The following DLGAP2 variants were observed in gnomAD, a reference collection of about 807,000 sequenced individuals.
DLGAP2 encodes DLG associated protein 2.
In DLGAP2, 26 loss-of-function variants were observed where a neutral mutation model predicts 100.3. The ratio of observed to expected loss-of-function variants is 0.26; its 90% confidence interval spans 0.19 to 0.36. The LOEUF (loss-of-function observed/expected upper bound fraction) is 0.36. Among genes scored for constraint, DLGAP2 ranks in the 10% least tolerant of loss-of-function variants. The probability of loss-of-function intolerance (pLI) is 1.00; values close to 1 mark genes in which losing one functional copy is unlikely to be tolerated. For missense variants in DLGAP2, 1,858 were observed against 1,453.2 expected, an observed-to-expected ratio of 1.28 and a Z score of -4.53; for synonymous variants, 886 against 630.1, an observed-to-expected ratio of 1.41 and a Z score of -6.08.
chr8:833,791 A>T (rs1796823843), intron 1 of DLGAP2, among the ~76,000 whole-genome samples: 1 of 152,150 alleles, frequency 6.6e-6, no homozygotes, highest in Non-Finnish European at 1.5e-5. Context: ...GAGATTTTTT[A>T]CCATGAATTT....
At chr8:1,250,740 T>G (rs4357318) in intron 2 of DLGAP2, among the ~76,000 whole-genome samples, 3 of 151,988 alleles carry the variant, frequency 2.0e-5, no homozygotes, top group African/African-American at 7.2e-5. Context: ...AAAAATGGAA[T>G]GAGACTTGAG....
chr8:1,223,329 T>G (rs1024660719), intron 2 of DLGAP2, among the ~76,000 whole-genome samples: 1 of 152,206 alleles, frequency 6.6e-6, no homozygotes, highest in African/African-American at 2.4e-5. Context: ...TGGGCTGGTC[T>G]CTGTGAGAAG....
At chr8:1,569,346 A>G (rs1725216144) in intron 6 of DLGAP2, among the ~76,000 whole-genome samples, 1 of 152,216 alleles carries the variant, frequency 6.6e-6, no homozygotes, top group South Asian at 2.1e-4. Flanking sequence ...TTTTTCCCTA[A>G]ATCTGACGCC....
intron 1 of DLGAP2, among the ~76,000 whole-genome samples, chr8:743,267 G>A (rs185983121): frequency 6.6e-6 from 1 of 152,230 alleles, no homozygotes; most frequent in East Asian, 1.9e-4. Flanking sequence ...AGCTTCCAGG[G>A]AGTCAAGTCA....
At chr8:1,075,619 T>A (rs558173534) in intron 2 of DLGAP2, among the ~76,000 whole-genome samples, 1 of 152,162 alleles carries the variant, frequency 6.6e-6, no homozygotes, top group African/African-American at 2.4e-5. Flanking sequence ...GTTGAGGTCT[T>A]TGTATGTGAC....
chr8:1,195,339 A>G (rs890344012), intron 2 of DLGAP2, among the ~76,000 whole-genome samples: 2 of 152,264 alleles, frequency 1.3e-5, no homozygotes, highest in African/African-American at 4.8e-5. Flanking sequence ...TCTACCAGGC[A>G]TGGAGGCCTG....
At chr8:1,199,973 C>A (rs1220498228) in intron 2 of DLGAP2, among the ~76,000 whole-genome samples, 2 of 151,904 alleles carry the variant, frequency 1.3e-5, no homozygotes, top group African/African-American at 4.8e-5. Context: ...CGGGTCTCAG[C>A]AGGGGTCAGT....
At position 1,519,126 on chromosome 8, in the gene DLGAP2, G is replaced by A. The variant is rs902155786; in HGVS notation, c.172+17695G>A. 3.3e-5 allele frequency among the ~76,000 whole-genome samples: 5 copies of A among 152,300 alleles called. No homozygotes were observed. In the South Asian group the frequency reaches 8.3e-4, roughly 25 times the overall value. ...AAGGCTTGGCTTTCACATGTGATGT[G>A]CTAAGGTGTCAGAAGGGAAGAATAT... On this transcript the variant is annotated intron_variant, in intron 4 of 14. Coordinates refer to ENST00000637795, the MANE Select transcript of DLGAP2 (RefSeq NM_001346810.2).
chr8:1,562,838 G>T (rs375698006), intron 5 of DLGAP2, among the ~76,000 whole-genome samples: 1 of 27,816 alleles, frequency 3.6e-5, no homozygotes, highest in African/African-American at 1.6e-4. Context: ...TGGGGTGTCC[G>T]CGCCTCGTTA....
intron 6 of DLGAP2, among the ~76,000 whole-genome samples, chr8:1,582,190 CA>C (rs35479793): frequency 1.1e-3 from 48 of 43,726 alleles, no homozygotes; most frequent in African/African-American, 1.6e-3. Flanking sequence ...AGGATACAGA[CA>C]AACCCCCACA....
chr8:980,404 CA>C (rs769640022), intron 2 of DLGAP2, among the ~76,000 whole-genome samples: 62 of 152,348 alleles, frequency 4.1e-4, no homozygotes, highest in Non-Finnish European at 7.3e-4. Context: ...TCTAAAAACA[CA>C]AAGTCAACTA....
chr8:750,689 C>T (rs749131740), intron 1 of DLGAP2, among the ~76,000 whole-genome samples: 97 of 152,228 alleles, frequency 6.4e-4, no homozygotes, highest in Non-Finnish European at 8.5e-4. Flanking sequence ...GGTCTGCCTC[C>T]GCCCTCCCCT....
Position 1,678,194 on chromosome 8 carries a change from T to G in DLGAP2, c.2289-20T>G, listed in dbSNP as rs752531228. The G allele has an allele frequency of 8.2e-6, 13 of 1,591,560 alleles. No individual in the cohort carries two copies. The highest frequency in any genetic ancestry group is 1.1e-5 in the Non-Finnish European group (13 of 1,167,104). On this transcript the variant is annotated intron_variant, in intron 11 of 14. Coordinates refer to ENST00000637795, the MANE Select transcript of DLGAP2 (RefSeq NM_001346810.2). ...CCTCTCAGAAGGGCTACCATCTGTC[T>G]TCCTTCCCTCCTTTTGCAGACACGG...
rs116743926 is a variant in DLGAP2 at position 1,040,657 on chromosome 8, C to T, written c.73+132691C>T. On this transcript the variant is annotated intron_variant, in intron 2 of 14. Transcript: ENST00000637795. ...CCGTGGTTGGCTCGGTGTGCGTGGT[C>T]GGCTTGGTGTGTGTGGTCGGCTCGG... Among the ~76,000 whole-genome samples the T allele has an allele frequency of 4.3e-3, 640 of 149,324 alleles. 5 individuals are homozygous for T. Among genetic ancestry groups the T allele is most frequent in the African/African-American group, 0.014 (550 of 39,964 alleles).
intron 3 of DLGAP2, among the ~76,000 whole-genome samples, chr8:1,464,240 CCCTTCCAGGACGGCT>C (rs1563164763): frequency 3.8e-5 from 5 of 132,954 alleles, no homozygotes; most frequent in Non-Finnish European, 6.2e-5. Context: ...CAGGACGACA[CCCTTCCAGGACGGCT>C]CCCTTCCAGG....
At chr8:783,379 C>T (rs1454694930) in intron 1 of DLGAP2, among the ~76,000 whole-genome samples, 1 of 152,160 alleles carries the variant, frequency 6.6e-6, no homozygotes, top group East Asian at 1.9e-4. Flanking sequence ...TTTGTTTTTA[C>T]AGGTTTAAAG....
chr8:1,629,421 C>G (rs1231802649), intron 7 of DLGAP2, among the ~76,000 whole-genome samples: 2 of 152,192 alleles, frequency 1.3e-5, no homozygotes, highest in Non-Finnish European at 2.9e-5. Context: ...GCCCCCTGCT[C>G]CCAGCCAGCC....
intron 1 of DLGAP2, among the ~76,000 whole-genome samples, chr8:852,926 C>T (rs1344441866): frequency 3.9e-5 from 6 of 152,210 alleles, no homozygotes; most frequent in South Asian, 4.1e-4. Context: ...TTTGGTAAAA[C>T]TGGCTGTTCT....
At chr8:738,433 G>T (rs1820379731) in intron 1 of DLGAP2, 1 of 152,226 alleles carries the variant, frequency 6.6e-6, no homozygotes, top group Non-Finnish European at 1.5e-5. Context: ...GCGAGGGGGT[G>T]GCCGCCGCCC....
Sources: gnomAD v4.1 joint callset for allele counts (sites outside exome capture counted in the v4.1 genomes callset) on GRCh38, gnomAD v4.1.1 for gene constraint, MANE v1.5 for transcripts, NCBI Gene and HGNC (gene_info 2026-07-23, HGNC 2026-07-21) for gene names.